Variants in SNW1 observed in about 807,000 individuals in gnomAD.
SNW1 encodes the protein SNW domain containing 1, also known as SNW domain-containing protein 1.
Under a neutral mutation model 75.6 loss-of-function variants are expected in SNW1, and 9 were observed. The observed-to-expected ratio is 0.12, with a 90% CI of 0.07 to 0.21. SNW1 has a LOEUF of 0.21. SNW1 is among the 10% of genes least tolerant of loss of function. SNW1 has a pLI of 1.00. For missense variants in SNW1, 409 were observed against 670.9 expected, an observed-to-expected ratio of 0.61 and a Z score of 4.31; for synonymous variants, 200 against 219.1, an observed-to-expected ratio of 0.91 and a Z score of 0.77.
intron 3 of SNW1, among the ~76,000 whole-genome samples, chr14:77,742,089 T>C (rs1377620833): frequency 6.6e-6 from 1 of 151,914 alleles, no homozygotes; most frequent in East Asian, 1.9e-4. Flanking sequence ...TGGAGTGCAA[T>C]GGCGTGATCT....
intron 6 of SNW1, 22 bp downstream of exon 6, chr14:77,736,949 T>G: frequency 6.7e-7 from 1 of 1,502,884 alleles, no homozygotes; most frequent in Non-Finnish European, 9.3e-7. Flanking sequence ...TGTGTATTAG[T>G]AGCCTATTCC....
chr14:77,756,467 C>CT (rs1364266025), intron 1 of SNW1, among the ~76,000 whole-genome samples: 1 of 152,190 alleles, frequency 6.6e-6, no homozygotes, highest in Non-Finnish European at 1.5e-5. Flanking sequence ...ATGCTCCTTA[C>CT]TTTAAACTAC....
intron 1 of SNW1, among the ~76,000 whole-genome samples, chr14:77,758,787 C>T (rs1045914611): frequency 6.6e-6 from 1 of 152,222 alleles, no homozygotes; most frequent in African/African-American, 2.4e-5. Context: ...CAACAACACA[C>T]AACACTTCTG....
At chr14:77,760,413 A>G (rs2080878174) in intron 1 of SNW1, among the ~76,000 whole-genome samples, 1 of 152,234 alleles carries the variant, frequency 6.6e-6, no homozygotes, top group Admixed American at 6.5e-5. Context: ...GCTGGGAACT[A>G]GTAGGAGTAG....
At chr14:77,728,051 TAA>T (rs60328090) in intron 10 of SNW1, among the ~76,000 whole-genome samples, 1 of 143,804 alleles carries the variant, frequency 7.0e-6, no homozygotes. Flanking sequence ...TGTTAATTGT[TAA>T]AAAAAAAAAA....
chr14:77,735,948 G>C lies in SNW1; in HGVS notation c.697C>G (p.Pro233Ala). The C allele has an allele frequency of 6.2e-7, 1 of 1,613,658 alleles. No individual in the cohort carries two copies. The highest frequency in any genetic ancestry group is 8.5e-7 in the Non-Finnish European group (1 of 1,179,718). ...PSPPAPVMHSPSRKMTVKEQQ... is the reference protein window; with the variant it reads ...PSPPAPVMHSASRKMTVKEQQ... ...ACAGCAAAGAATACCTTTCGGCTAG[G>C]AGAATGCATGACAGGCGCAGGAGGA... Residue 233 changes from proline (P) to alanine (A), a missense_variant, in exon 7 of 14, where the codon CCT becomes GCT. Around this residue, in one of 9 missense-constraint regions of SNW1, gnomAD observed 70 missense variants for 136.7 expected, o/e 0.51. Transcript: ENST00000261531.
chr14:77,740,156 AAAGAG>A (rs1196571520), intron 3 of SNW1, among the ~76,000 whole-genome samples: 2,733 of 93,306 alleles, frequency 0.029, 56 homozygotes, highest in African/African-American at 0.061. Flanking sequence ...AAAAAAAAAA[AAAGAG>A]AGAGATACAG....
chr14:77,726,900 A>G (rs997267758), intron 10 of SNW1, among the ~76,000 whole-genome samples: 4 of 151,832 alleles, frequency 2.6e-5, no homozygotes, highest in Admixed American at 1.3e-4. Context: ...TGGGTATCCT[A>G]TTTGTATATA....
At chr14:77,732,813 C>T (rs1032836595) in intron 8 of SNW1, among the ~76,000 whole-genome samples, 24 of 152,254 alleles carry the variant, frequency 1.6e-4, no homozygotes, top group South Asian at 8.3e-4. Flanking sequence ...CATAGGCGTG[C>T]GCCACACACT....
intron 3 of SNW1, among the ~76,000 whole-genome samples, chr14:77,745,575 C>G (rs1220349465): frequency 6.6e-6 from 1 of 151,836 alleles, no homozygotes; most frequent in Non-Finnish European, 1.5e-5. Context: ...GGCATGGTGG[C>G]GGGCGCCTGT....
At position 77,718,505 on chromosome 14, in the gene SNW1, C is replaced by T; in HGVS notation, c.1274G>A (p.Gly425Glu). ...ATAAACATTATAAATTTCATCTTCT[C>T]CACCTGCAAATCCACTGTCCATACC... is the stretch of plus-strand genomic sequence containing the variant. ...SKGMDSGFAG[G>E]EDEIYNVYDQ... Residue 425 changes from glycine (G) to glutamate (E), a missense_variant, in exon 13 of 14, where the codon GGA (glycine) becomes GAA (glutamate). Around this residue, in one of 9 missense-constraint regions of SNW1, gnomAD observed 126 missense variants for 167.6 expected, o/e 0.75. Coordinates refer to ENST00000261531, the MANE Select transcript of SNW1 (RefSeq NM_012245.3). 6.2e-7 allele frequency: 1 copy of T among 1,612,298 alleles called. No individual in the cohort carries two copies. Among genetic ancestry groups the T allele is most frequent in the Non-Finnish European group, 8.5e-7 (1 of 1,178,626 alleles).
In SNW1 at chr14:77,758,094, C is replaced by T. The variant is rs1470769353; in HGVS notation, c.15-2974G>A. Reference sequence around the variant, plus strand: ...CCTGTAATTCCAACACTTTGGGAGGCCAAGGCAGGTGGATTACTTGAGGCC... The same window carrying T: ...CCTGTAATTCCAACACTTTGGGAGGTCAAGGCAGGTGGATTACTTGAGGCC... On this transcript the variant is annotated intron_variant, in intron 1 of 13. Coordinates refer to ENST00000261531, the MANE Select transcript of SNW1 (RefSeq NM_012245.3). Among the ~76,000 whole-genome samples, 7 of 152,128 alleles carry T rather than the reference C, an allele frequency of 4.6e-5. No homozygotes were observed. The East Asian group carries it at 1.4e-3, about 29-fold the overall frequency.
chr14:77,737,330 A>G (rs556441332), intron 5 of SNW1, among the ~76,000 whole-genome samples: 1 of 152,310 alleles, frequency 6.6e-6, no homozygotes, highest in East Asian at 1.9e-4. Flanking sequence ...CCAACATGGA[A>G]GGTGCCGTGT....
chr14:77,754,939 C>T lies in SNW1; in HGVS notation c.168+28G>A, dbSNP rs1364039586. On this transcript the variant is annotated intron_variant, in intron 2 of 13. Coordinates refer to ENST00000261531, the MANE Select transcript of SNW1 (RefSeq NM_012245.3). ...TATAATAAATTTCAGCACAATTTAA[C>T]AAATCTAAACTTAAGATCTATATGT... The T allele has an allele frequency of 2.0e-6, 3 of 1,526,882 alleles. No individual in the cohort carries two copies. In the South Asian group the frequency reaches 3.7e-5, roughly 19 times the overall value. The allele number at this position is 1,526,882 out of a possible 1,614,324, so 94.6% of individuals were successfully genotyped here.
intron 1 of SNW1, among the ~76,000 whole-genome samples, chr14:77,755,666 C>T (rs369977656): frequency 1.3e-5 from 2 of 151,848 alleles, no homozygotes. Flanking sequence ...ATCCGCTGAC[C>T]TTGGCCTCCC....
intron 9 of SNW1, among the ~76,000 whole-genome samples, chr14:77,731,844 T>G (rs563098279): frequency 6.6e-6 from 1 of 152,160 alleles, no homozygotes; most frequent in African/African-American, 2.4e-5. Context: ...GTTCGAGAGA[T>G]TCTCCTGCCT....
chr14:77,740,021 C>A (rs1211232310), intron 3 of SNW1, among the ~76,000 whole-genome samples: 1 of 151,360 alleles, frequency 6.6e-6, no homozygotes, highest in Non-Finnish European at 1.5e-5. Context: ...GTAGTCCCAG[C>A]TACTCGGGAG....
chr14:77,718,326 C>G, intron 13 of SNW1, 40 bp from the exon 14 acceptor site: 1 of 1,614,204 alleles, frequency 6.2e-7, no homozygotes, highest in Non-Finnish European at 8.5e-7. Context: ...ACTTTGCTTT[C>G]ACCAGTGTAA....
chr14:77,736,124 GTATAATGATA>G, intron 6 of SNW1, 118 bp from the exon 7 acceptor site: 2 of 675,190 alleles, frequency 3.0e-6, no homozygotes, highest in Non-Finnish European at 5.1e-6. Context: ...AACAGAGACT[GTATAATGATA>G]TACATTTACC....
Sources: allele counts gnomAD v4.1 joint callset (sites outside exome capture counted in the v4.1 genomes callset), GRCh38; gene constraint gnomAD v4.1.1; regional missense constraint gnomAD v4.1.1; transcripts MANE v1.5; gene names NCBI Gene and HGNC (gene_info 2026-07-23, HGNC 2026-07-21).